Variants in CYRIA observed in about 807,000 individuals in gnomAD.
CYRIA encodes the protein CYFIP-related Rac1 interactor A.
CYRIA carries 15 observed loss-of-function variants against 43.9 expected under a neutral mutation model. The observed-to-expected ratio is 0.34, with a 90% CI of 0.23 to 0.53. The LOEUF is 0.53. Ranked by LOEUF, CYRIA falls within the 20% of genes least tolerant of loss-of-function variation. The pLI is 0.94. For missense variants in CYRIA, 236 were observed against 394.2 expected (o/e 0.60, Z 3.40); for synonymous variants, 117 against 136.0 (o/e 0.86, Z 0.97).
chr2:16,558,985 A>G (rs184768343), intron 10 of CYRIA, among the ~76,000 whole-genome samples: 2 of 152,300 alleles, frequency 1.3e-5, no homozygotes, highest in Admixed American at 1.3e-4. Context: ...GGACTCACAC[A>G]TATCACGTAT....
chr2:16,565,626 C>A lies in CYRIA; in HGVS notation c.192+20G>T. On this transcript the variant is annotated intron_variant, in intron 4 of 11. Transcript: ENST00000381323. ...TTCCCCTCCTCGGGTGTTGTCAGTT[C>A]AGCGTGATCATTGACATACATCTCG... is the stretch of plus-strand genomic sequence containing the variant. 1 of 1,542,950 alleles carries A rather than the reference C, an allele frequency of 6.5e-7. No homozygotes were observed. The highest frequency in any genetic ancestry group is 1.2e-5 in the South Asian group (1 of 83,606).
chr2:16,592,228 A>T (rs1335503384), intron 2 of CYRIA, among the ~76,000 whole-genome samples: 1 of 152,172 alleles, frequency 6.6e-6, no homozygotes, highest in Non-Finnish European at 1.5e-5. Flanking sequence ...TCCAAAATTT[A>T]AAAATATCTG....
intron 3 of CYRIA, among the ~76,000 whole-genome samples, 177 bp from the exon 4 acceptor site, chr2:16,565,944 G>T (rs1352467029): frequency 2.0e-5 from 3 of 152,078 alleles, no homozygotes; most frequent in South Asian, 2.1e-4. Flanking sequence ...TGAAACTTCT[G>T]CCCATTACTC....
chr2:16,590,963 C>G (rs1300442908), intron 2 of CYRIA, among the ~76,000 whole-genome samples: 1 of 152,074 alleles, frequency 6.6e-6, no homozygotes, highest in Admixed American at 6.6e-5. Flanking sequence ...CACAGATGGT[C>G]ACCTAGTAGA....
chr2:16,589,405 G>A (rs912783294), intron 2 of CYRIA, among the ~76,000 whole-genome samples: 1 of 152,022 alleles, frequency 6.6e-6, no homozygotes, highest in Non-Finnish European at 1.5e-5. Flanking sequence ...ATAATCCTCC[G>A]CTGGGAAAAC....
intron 3 of CYRIA, among the ~76,000 whole-genome samples, chr2:16,587,068 G>T (rs1667753673): frequency 6.6e-6 from 1 of 152,032 alleles, no homozygotes; most frequent in African/African-American, 2.4e-5. Context: ...TTCACCTGAA[G>T]AAAACGTAGT....
At chr2:16,622,137 C>T (rs768090770) in intron 2 of CYRIA, among the ~76,000 whole-genome samples, 8 of 152,166 alleles carry the variant, frequency 5.3e-5, no homozygotes, top group Admixed American at 2.0e-4. Context: ...GCCAGGATAC[C>T]GGCCCCAAAT....
At chr2:16,655,106 C>A (rs1034722208) in intron 1 of CYRIA, among the ~76,000 whole-genome samples, 3 of 152,168 alleles carry the variant, frequency 2.0e-5, no homozygotes, top group Admixed American at 6.5e-5. Context: ...AGGAGATATG[C>A]ACTTAGCACT....
rs1174675399 is a variant in CYRIA, at chr2:16,561,405, CAA to C, written c.513+49_513+50del. On this transcript the variant is annotated intron_variant, in intron 7 of 11. Transcript: ENST00000381323. ...TCTGTGCTCTGCCTGATGCAGAAAT[CAA>C]AAGAGTCATGGAGAAGGGTGCAAAG... 9 of 1,560,764 alleles carry C rather than the reference CAA, an allele frequency of 5.8e-6. No homozygotes were observed. The East Asian group carries it at 9.0e-5, about 16-fold the overall frequency.
chr2:16,588,187 G>A (rs780753289), intron 2 of CYRIA, 58 bp from the exon 3 acceptor site: 3 of 1,174,454 alleles, frequency 2.6e-6, no homozygotes, highest in Non-Finnish European at 3.7e-6. Flanking sequence ...ATAGACTTGC[G>A]TGAATATCCC....
chr2:16,635,618 A>C (rs573300390), intron 1 of CYRIA, among the ~76,000 whole-genome samples: 11 of 152,258 alleles, frequency 7.2e-5, no homozygotes, highest in Admixed American at 3.3e-4. Flanking sequence ...ACAAGTGTCT[A>C]TTCACCTCCT....
chr2:16,618,037 G>A (rs1346012191), intron 2 of CYRIA, among the ~76,000 whole-genome samples: 1 of 152,152 alleles, frequency 6.6e-6, no homozygotes, highest in African/African-American at 2.4e-5. Context: ...TACCAAGAAA[G>A]TGCCACAGAG....
chr2:16,583,656 C>T (rs1439114256), intron 3 of CYRIA, among the ~76,000 whole-genome samples: 1 of 152,194 alleles, frequency 6.6e-6, no homozygotes, highest in Non-Finnish European at 1.5e-5. Context: ...TTCAGACATA[C>T]TTCTTCCTGT....
chr2:16,658,805 A>C (rs2103557007), intron 1 of CYRIA, among the ~76,000 whole-genome samples: 1 of 152,002 alleles, frequency 6.6e-6, no homozygotes, highest in South Asian at 2.1e-4. Context: ...TGTGGAATAG[A>C]GGAGAAAGAG....
At chr2:16,617,943 C>T (rs963639078) in intron 2 of CYRIA, among the ~76,000 whole-genome samples, 76 of 152,272 alleles carry the variant, frequency 5.0e-4, no homozygotes, top group African/African-American at 1.8e-3. Flanking sequence ...GATTAGAATC[C>T]AAGTTAACCC....
At chr2:16,649,081 A>G (rs1669896408) in intron 1 of CYRIA, among the ~76,000 whole-genome samples, 1 of 152,218 alleles carries the variant, frequency 6.6e-6, no homozygotes, top group South Asian at 2.1e-4. Context: ...AAAAAAATAA[A>G]AAAATAACAA....
intron 1 of CYRIA, among the ~76,000 whole-genome samples, chr2:16,661,491 A>G (rs560752763): frequency 6.6e-6 from 1 of 152,340 alleles, no homozygotes; most frequent in South Asian, 2.1e-4. Context: ...AAAGGAAGCT[A>G]CTTCTAGCAT....
At chr2:16,652,776 G>C (rs764167538) in intron 1 of CYRIA, among the ~76,000 whole-genome samples, 2 of 152,020 alleles carry the variant, frequency 1.3e-5, no homozygotes, top group African/African-American at 4.8e-5. Flanking sequence ...GTTAATCCCC[G>C]GGGATTCTGA....
chr2:16,619,887 C>T (rs1028957273), intron 2 of CYRIA, among the ~76,000 whole-genome samples: 2 of 152,216 alleles, frequency 1.3e-5, no homozygotes, highest in Non-Finnish European at 2.9e-5. Context: ...TTCCAGCTCG[C>T]AACTCCTACT....
Sources: gnomAD v4.1 joint callset for allele counts (sites outside exome capture counted in the v4.1 genomes callset) on GRCh38, gnomAD v4.1.1 for gene constraint, MANE v1.5 for transcripts, NCBI Gene and HGNC (gene_info 2026-07-23, HGNC 2026-07-21) for gene names.